HPSE2: variants seen among roughly 807,000 people sequenced by gnomAD.
HPSE2 encodes inactive heparanase-2.
HPSE2 carries 38 observed loss-of-function variants against 60.5 expected under a neutral mutation model. That is an observed-to-expected ratio of 0.63 (90% CI 0.48 to 0.82). The LOEUF is 0.82. Ranked by LOEUF, HPSE2 falls within the 40% of genes least tolerant of loss-of-function variation. The pLI is 0.00. For missense variants in HPSE2, 713 were observed against 740.4 expected (o/e 0.96, Z 0.43); for synonymous variants, 295 against 293.2 (o/e 1.01, Z -0.06).
intron 3 of HPSE2, among the ~76,000 whole-genome samples, chr10:99,015,725 G>A (rs958052541): frequency 1.3e-5 from 2 of 152,094 alleles, no homozygotes; most frequent in Admixed American, 1.3e-4. Flanking sequence ...GTTAAAGGAC[G>A]AGTTAATGGG....
intron 9 of HPSE2, among the ~76,000 whole-genome samples, chr10:98,606,107 G>A (rs778386671): frequency 1.3e-5 from 2 of 152,110 alleles, no homozygotes; most frequent in Non-Finnish European, 2.9e-5. Flanking sequence ...GTGAGGACAG[G>A]GATCTTGTCT....
chr10:99,052,389 A>G (rs1368557228), intron 3 of HPSE2, among the ~76,000 whole-genome samples: 1 of 152,090 alleles, frequency 6.6e-6, no homozygotes, highest in Non-Finnish European at 1.5e-5. Context: ...ACAGAGAAAA[A>G]AAGACAGGAC....
intron 9 of HPSE2, among the ~76,000 whole-genome samples, chr10:98,553,369 C>A (rs1460118451): frequency 6.6e-6 from 1 of 152,170 alleles, no homozygotes; most frequent in African/African-American, 2.4e-5. Context: ...TTGCGCTGTT[C>A]TTTCTCTTAA....
Position 99,001,473 on chromosome 10 carries a change from G to C in HPSE2, c.610+142765C>G, listed in dbSNP as rs139552239. On this transcript the variant is annotated intron_variant, in intron 3 of 11. Transcript: ENST00000370552. ...GAGGTAGTCCTAGTGCTACCAACAA[G>C]AAATTTCTCAAGCACATAGCCATTT... Among the ~76,000 whole-genome samples the C allele has an allele frequency of 5.3e-5, 8 of 152,156 alleles. No individual in the cohort carries two copies. The East Asian group carries it at 1.2e-3, about 22-fold the overall frequency.
chr10:99,151,936 GA>G (rs1366346775), intron 2 of HPSE2, among the ~76,000 whole-genome samples: 1 of 151,488 alleles, frequency 6.6e-6, no homozygotes, highest in Admixed American at 6.6e-5. Flanking sequence ...AGCGCTAAAA[GA>G]AAACTTCTGA....
the HPSE2 span, among the ~76,000 whole-genome samples, chr10:99,268,797 A>G: frequency 2.0e-5 from 3 of 152,204 alleles, no homozygotes; most frequent in Non-Finnish European, 4.4e-5. Context: ...TCACATCTCA[A>G]TACTAACATT....
At chr10:98,524,307 G>T (rs565119469) in intron 9 of HPSE2, among the ~76,000 whole-genome samples, 3 of 152,140 alleles carry the variant, frequency 2.0e-5, no homozygotes, top group Admixed American at 2.0e-4. Context: ...GCAATGCCCC[G>T]TGAGCACACA....
At chr10:98,679,379 G>A (rs1445312823) in intron 6 of HPSE2, among the ~76,000 whole-genome samples, 2 of 152,130 alleles carry the variant, frequency 1.3e-5, no homozygotes, top group Admixed American at 1.3e-4. Context: ...TCTCATGAGT[G>A]CACAGCGGCA....
At chr10:98,594,033 A>G (rs1350693179) in intron 9 of HPSE2, among the ~76,000 whole-genome samples, 1 of 152,182 alleles carries the variant, frequency 6.6e-6, no homozygotes, top group African/African-American at 2.4e-5. Flanking sequence ...ACAAATAAAA[A>G]TTATACATAT....
At chr10:98,604,839 T>A (rs117412285) in intron 9 of HPSE2, among the ~76,000 whole-genome samples, 5,350 of 152,292 alleles carry the variant, frequency 0.035, 132 homozygotes, top group Non-Finnish European at 0.052. Context: ...ATTGTCCAAT[T>A]CAACCTCTAC....
chr10:99,110,908 T>C (rs1844432503), intron 3 of HPSE2, among the ~76,000 whole-genome samples: 1 of 152,210 alleles, frequency 6.6e-6, no homozygotes, highest in Admixed American at 6.5e-5. Flanking sequence ...TACACTTAGG[T>C]CTATGATCCA....
intron 6 of HPSE2, among the ~76,000 whole-genome samples, chr10:98,657,190 A>G: frequency 7.1e-6 from 1 of 140,400 alleles, no homozygotes; most frequent in Non-Finnish European, 1.5e-5. Flanking sequence ...AGTAACCAGA[A>G]GAGAGGTTGA....
chr10:99,036,593 C>A (rs1264754815), intron 3 of HPSE2, among the ~76,000 whole-genome samples: 2 of 152,020 alleles, frequency 1.3e-5, no homozygotes, highest in African/African-American at 2.4e-5. Flanking sequence ...CTCTTTCTTA[C>A]AGAAGAATTT....
chr10:98,741,395 C>T (rs1949493400), intron 4 of HPSE2, among the ~76,000 whole-genome samples: 1 of 152,042 alleles, frequency 6.6e-6, no homozygotes, highest in South Asian at 2.1e-4. Flanking sequence ...GTCTAAATAA[C>T]ATTTTTTTAA....
intron 3 of HPSE2, among the ~76,000 whole-genome samples, chr10:98,846,516 C>G (rs1021018995): frequency 3.0e-4 from 46 of 152,064 alleles, no homozygotes; most frequent in Non-Finnish European, 4.4e-4. Context: ...TTGAGGCAAC[C>G]CAGGAGTACG....
chr10:98,588,135 T>C (rs977378265), intron 9 of HPSE2, among the ~76,000 whole-genome samples: 3 of 152,162 alleles, frequency 2.0e-5, no homozygotes, highest in South Asian at 2.1e-4. Flanking sequence ...GAAAACAGAT[T>C]TTATTAAGTA....
intron 3 of HPSE2, among the ~76,000 whole-genome samples, chr10:99,103,534 A>C (rs1350507047): frequency 6.6e-6 from 1 of 152,212 alleles, no homozygotes; most frequent in South Asian, 2.1e-4. Flanking sequence ...GGAAGAATCG[A>C]TATCGTGAAA....
the HPSE2 span, among the ~76,000 whole-genome samples, chr10:99,289,768 G>T: frequency 6.6e-6 from 1 of 152,082 alleles, no homozygotes; most frequent in Non-Finnish European, 1.5e-5. Flanking sequence ...AAGCTTATTT[G>T]TAATGTTCTT....
At chr10:98,509,934 T>G (rs1264381450) in intron 9 of HPSE2, among the ~76,000 whole-genome samples, 1 of 152,004 alleles carries the variant, frequency 6.6e-6, no homozygotes, top group African/African-American at 2.4e-5. Flanking sequence ...AAAAGCTTAG[T>G]GCTATCAAGC....
Sources: gnomAD v4.1 joint callset for allele counts (sites outside exome capture counted in the v4.1 genomes callset) on GRCh38, gnomAD v4.1.1 for gene constraint, MANE v1.5 for transcripts, NCBI Gene and HGNC (gene_info 2026-07-23, HGNC 2026-07-21) for gene names.